The following PBX3 variants were observed in gnomAD, a reference collection of about 807,000 sequenced individuals.
PBX3 encodes PBX homeobox 3.
A neutral mutation model predicts 48.5 loss-of-function variants in PBX3; 14 were observed. The observed-to-expected ratio is 0.29, with a 90% CI of 0.19 to 0.45. PBX3 has a LOEUF of 0.45. PBX3 is among the 20% of genes least tolerant of loss of function. The pLI is 1.00. For synonymous variants in PBX3, 210 were observed against 200.3 expected (o/e 1.05, Z -0.41); for missense variants, 386 against 546.7 (o/e 0.71, Z 2.93).
chr9:125,773,865 G>C (rs535316785), intron 2 of PBX3, among the ~76,000 whole-genome samples: 6 of 152,182 alleles, frequency 3.9e-5, no homozygotes, highest in African/African-American at 1.4e-4. Flanking sequence ...GGTAAAATTT[G>C]CATAACCTAA....
rs1476069794 is a variant in PBX3 at position 125,779,975 on chromosome 9, C to T, written c.274+31352C>T. Among the ~76,000 whole-genome samples the T allele has an allele frequency of 5.1e-4, 63 of 124,136 alleles. 1 individual carries two copies. Among genetic ancestry groups the T allele is most frequent in the African/African-American group, 1.7e-3 (55 of 32,552 alleles). The allele number at this position is 124,136 out of a possible 152,430, so 81.4% of individuals were successfully genotyped here. A position where few individuals can be genotyped will look rare whatever the true frequency, so the allele number is the denominator to read the frequency against. The stretch of plus-strand genomic sequence containing the variant: ...CTCCCTCCCGGACGGGGCGGCTGGC[C>T]GGGCAGAGGGGCTCCTCACTTCCCA... On this transcript the variant is annotated intron_variant, in intron 2 of 8. Transcript: ENST00000373489.
chr9:125,753,666 G>A (rs1379563044), intron 2 of PBX3, among the ~76,000 whole-genome samples: 2 of 151,786 alleles, frequency 1.3e-5, no homozygotes, highest in African/African-American at 2.4e-5. Flanking sequence ...AATAGTTTTG[G>A]TATTTTATTT....
Position 125,891,586 on chromosome 9 carries a change from C to T in PBX3, c.275-24100C>T, listed in dbSNP as rs144278826. Among the ~76,000 whole-genome samples, 10 of 152,318 alleles carry T rather than the reference C, an allele frequency of 6.6e-5. No homozygotes were observed. In the East Asian group the frequency reaches 1.7e-3, roughly 26 times the overall value. On this transcript the variant is annotated intron_variant, in intron 2 of 8. Transcript: ENST00000373489. ...ATAGAGTTAATTTTTTCTCCTACTA[C>T]GTTGCTTGAACTCACAATGAAAGAA...
At chr9:125,845,265 A>G (rs1335999571) in intron 2 of PBX3, among the ~76,000 whole-genome samples, 2 of 152,094 alleles carry the variant, frequency 1.3e-5, no homozygotes, top group African/African-American at 2.4e-5. Context: ...ATTTTTATGT[A>G]TATATTTTTC....
intron 2 of PBX3, among the ~76,000 whole-genome samples, chr9:125,799,601 T>C (rs956221959): frequency 1.3e-5 from 2 of 152,230 alleles, no homozygotes; most frequent in African/African-American, 4.8e-5. Context: ...TGCATTATAG[T>C]ACAATATAAA....
intron 2 of PBX3, among the ~76,000 whole-genome samples, chr9:125,780,890 C>G (rs1837272146): frequency 1.4e-5 from 2 of 146,234 alleles, no homozygotes; most frequent in Admixed American, 1.4e-4. Context: ...GGGGCGGATG[C>G]TGGGCGGAGG....
At chr9:125,769,773 C>G (rs1836894952) in intron 2 of PBX3, among the ~76,000 whole-genome samples, 1 of 152,132 alleles carries the variant, frequency 6.6e-6, no homozygotes, top group African/African-American at 2.4e-5. Flanking sequence ...TGTAAGCTTC[C>G]TGGGGTTCCT....
At chr9:125,837,886 G>A (rs1333964687) in intron 2 of PBX3, among the ~76,000 whole-genome samples, 2 of 152,114 alleles carry the variant, frequency 1.3e-5, no homozygotes, top group East Asian at 1.9e-4. Context: ...CACCACGCCC[G>A]GCCTAGACTT....
At chr9:125,956,934 C>G (rs1842323017) in intron 5 of PBX3, among the ~76,000 whole-genome samples, 1 of 152,148 alleles carries the variant, frequency 6.6e-6, no homozygotes, top group Non-Finnish European at 1.5e-5. Context: ...CAGGAGGGGC[C>G]CCATGACCTG....
At chr9:125,938,799 TA>T (rs1841894777) in intron 5 of PBX3, among the ~76,000 whole-genome samples, 2 of 152,190 alleles carry the variant, frequency 1.3e-5, no homozygotes, top group Admixed American at 1.3e-4. Flanking sequence ...AACCATACCA[TA>T]AAAGATATTA....
chr9:125,748,854 C>T (rs955913519), intron 2 of PBX3: 7 of 351,398 alleles, frequency 2.0e-5, no homozygotes, highest in Non-Finnish European at 3.1e-5. Context: ...GGATCGCCGT[C>T]CCTCGGCGGC....
chr9:125,891,493 A>G (rs1407288782), intron 2 of PBX3, among the ~76,000 whole-genome samples: 1 of 152,270 alleles, frequency 6.6e-6, no homozygotes, highest in African/African-American at 2.4e-5. Flanking sequence ...ACTTACAGCC[A>G]TTGTGTAAAA....
intron 3 of PBX3, among the ~76,000 whole-genome samples, chr9:125,917,458 G>A (rs940362416): frequency 6.6e-6 from 1 of 152,138 alleles, no homozygotes; most frequent in Non-Finnish European, 1.5e-5. Flanking sequence ...ATAAATTTAT[G>A]ATGGCATGTA....
chr9:125,747,630 G>C lies in PBX3; in HGVS notation c.177G>C (p.Gln59His). 2 of 1,593,764 alleles carry C rather than the reference G, an allele frequency of 1.3e-6. No homozygotes were observed. The highest frequency in any genetic ancestry group is 1.7e-6 in the Non-Finnish European group (2 of 1,170,596). The change falls in exon 1 of 9, where the codon CAG becomes CAC. Residue 59 changes from glutamine to histidine, a missense_variant. Around this residue, in one of 4 missense-constraint regions of PBX3, gnomAD observed 116 missense variants for 98.2 expected, o/e 1.18. Transcript: ENST00000373489. Reference sequence around the variant, plus strand: ...ACCAGATCATGACCATCACCGACCAGAGCTTGGACGAGGCGCAAGCAAAGT... The same window carrying C: ...ACCAGATCATGACCATCACCGACCACAGCTTGGACGAGGCGCAAGCAAAGT... ...ILHQIMTITDQSLDEAQAKKH... is the reference protein window; with the variant it reads ...ILHQIMTITDHSLDEAQAKKH...
intron 5 of PBX3, among the ~76,000 whole-genome samples, chr9:125,955,128 A>G (rs1385071198): frequency 6.6e-6 from 1 of 152,098 alleles, no homozygotes; most frequent in Non-Finnish European, 1.5e-5. Flanking sequence ...AGGCACATGG[A>G]TGGGAGGGCA....
chr9:125,781,586 C>T (rs934301212), intron 2 of PBX3, among the ~76,000 whole-genome samples: 2 of 146,236 alleles, frequency 1.4e-5, no homozygotes, highest in African/African-American at 2.5e-5. Flanking sequence ...AGGGGAGAGG[C>T]GAGAGGCGAG....
At chr9:125,814,279 T>A (rs1251231008) in intron 2 of PBX3, among the ~76,000 whole-genome samples, 1 of 151,428 alleles carries the variant, frequency 6.6e-6, no homozygotes, top group East Asian at 2.0e-4. Context: ...TTTTCTATAC[T>A]TTGAAAAGTT....
At chr9:125,806,196 T>G (rs986673015) in intron 2 of PBX3, among the ~76,000 whole-genome samples, 3 of 152,082 alleles carry the variant, frequency 2.0e-5, no homozygotes, top group Non-Finnish European at 4.4e-5. Context: ...AAAGGGCACT[T>G]CAGGCAGAAG....
At chr9:125,901,389 A>T (rs1444066375) in intron 2 of PBX3, among the ~76,000 whole-genome samples, 1 of 151,758 alleles carries the variant, frequency 6.6e-6, no homozygotes, top group African/African-American at 2.4e-5. Context: ...AGTAGATAAT[A>T]TATTAGTTGA....
Sources: allele counts gnomAD v4.1 joint callset (sites outside exome capture counted in the v4.1 genomes callset), GRCh38; gene constraint gnomAD v4.1.1; regional missense constraint gnomAD v4.1.1; transcripts MANE v1.5; gene names NCBI Gene and HGNC (gene_info 2026-07-23, HGNC 2026-07-21).